The following TNFRSF21 variants were observed in gnomAD, a reference collection of about 807,000 sequenced individuals.
The protein encoded by TNFRSF21 is TNF receptor superfamily member 21, also known as tumor necrosis factor receptor superfamily member 21.
A neutral mutation model predicts 45.6 loss-of-function variants in TNFRSF21; 19 were observed. The ratio of observed to expected loss-of-function variants is 0.42; its 90% CI spans 0.29 to 0.61. The LOEUF (loss-of-function observed/expected upper bound fraction) is 0.61. Ranked by LOEUF, TNFRSF21 falls within the 20% of genes least tolerant of loss-of-function variation. The probability of loss-of-function intolerance (pLI) is 0.23; values close to 1 mark genes in which losing one functional copy is unlikely to be tolerated. For missense variants in TNFRSF21, 737 were observed against 851.5 expected (o/e 0.87, Z 1.67); for synonymous variants, 314 against 335.5 (o/e 0.94, Z 0.70).
intron 3 of TNFRSF21, among the ~76,000 whole-genome samples, chr6:47,273,462 C>A (rs145833053): frequency 7.2e-5 from 11 of 152,112 alleles, no homozygotes; most frequent in African/African-American, 2.7e-4. Context: ...AATTCAACAG[C>A]GCTTCATGCT....
intron 1 of TNFRSF21, among the ~76,000 whole-genome samples, chr6:47,297,968 G>T (rs1308869901): frequency 6.6e-6 from 1 of 152,020 alleles, no homozygotes; most frequent in Non-Finnish European, 1.5e-5. Flanking sequence ...AATACAGACT[G>T]CACAGTAAAG....
At chr6:47,276,947 T>A (rs1762507364) in intron 3 of TNFRSF21, among the ~76,000 whole-genome samples, 2 of 152,174 alleles carry the variant, frequency 1.3e-5, no homozygotes, top group African/African-American at 4.8e-5. Context: ...TCCTTTAAGG[T>A]GGCAGTGTTG....
intron 3 of TNFRSF21, among the ~76,000 whole-genome samples, chr6:47,281,333 TATA>T (rs1388268741): frequency 1.3e-5 from 2 of 149,826 alleles, no homozygotes; most frequent in Admixed American, 6.7e-5. Context: ...TTATATAATA[TATA>T]ATAAGCTATT....
At chr6:47,304,705 T>A (rs188762132) in intron 1 of TNFRSF21, among the ~76,000 whole-genome samples, 1 of 152,310 alleles carries the variant, frequency 6.6e-6, no homozygotes, top group East Asian at 1.9e-4. Context: ...CAAGCCTCCC[T>A]TTTTTCCCTT....
chr6:47,281,612 C>T (rs1762568944), intron 3 of TNFRSF21, among the ~76,000 whole-genome samples: 1 of 152,152 alleles, frequency 6.6e-6, no homozygotes, highest in African/African-American at 2.4e-5. Flanking sequence ...AACTCCTGAC[C>T]TCAGTTGATC....
chr6:47,306,150 T>C (rs983143011), intron 1 of TNFRSF21, among the ~76,000 whole-genome samples: 1 of 152,230 alleles, frequency 6.6e-6, no homozygotes, highest in African/African-American at 2.4e-5. Flanking sequence ...CCCCAGACTT[T>C]TGAACCCAGC....
chr6:47,281,433 T>C (rs1370358244), intron 3 of TNFRSF21, among the ~76,000 whole-genome samples: 3 of 151,390 alleles, frequency 2.0e-5, no homozygotes, highest in East Asian at 3.9e-4. Flanking sequence ...CAGGCCGGAG[T>C]GCAGCGGCAC....
intron 3 of TNFRSF21, among the ~76,000 whole-genome samples, chr6:47,254,387 A>C (rs1764950432): frequency 6.6e-6 from 1 of 152,216 alleles, no homozygotes; most frequent in African/African-American, 2.4e-5. Context: ...TTTCCCATTT[A>C]GTATTTTCGG....
chr6:47,245,199 C>T (rs1389806550), intron 4 of TNFRSF21, among the ~76,000 whole-genome samples: 1 of 152,122 alleles, frequency 6.6e-6, no homozygotes, highest in Non-Finnish European at 1.5e-5. Flanking sequence ...ACTTCCATCC[C>T]TCTGTATAGC....
chr6:47,255,454 CT>C (rs1329783407), intron 3 of TNFRSF21, among the ~76,000 whole-genome samples: 1 of 148,326 alleles, frequency 6.7e-6, no homozygotes, highest in East Asian at 1.9e-4. Flanking sequence ...AATGTCATGT[CT>C]TTGGTTTTTT....
chr6:47,262,358 G>A (rs1202154832), intron 3 of TNFRSF21, among the ~76,000 whole-genome samples: 1 of 152,138 alleles, frequency 6.6e-6, no homozygotes, highest in African/African-American at 2.4e-5. Context: ...TGTTTTTGAA[G>A]CTATCTCAAA....
chr6:47,274,715 G>A (rs1762472483), intron 3 of TNFRSF21, among the ~76,000 whole-genome samples: 1 of 152,128 alleles, frequency 6.6e-6, no homozygotes, highest in African/African-American at 2.4e-5. Context: ...TACGGAATGG[G>A]AGAAAATTTT....
intron 1 of TNFRSF21, among the ~76,000 whole-genome samples, chr6:47,294,195 G>T (rs1253830166): frequency 6.6e-6 from 1 of 152,212 alleles, no homozygotes; most frequent in Non-Finnish European, 1.5e-5. Context: ...CCAGGCTGGG[G>T]TGCAGTGGTA....
intron 3 of TNFRSF21, among the ~76,000 whole-genome samples, chr6:47,256,782 C>A (rs1764995285): frequency 6.6e-6 from 1 of 152,154 alleles, no homozygotes; most frequent in Non-Finnish European, 1.5e-5. Context: ...TAGACTCTTC[C>A]AAACACCAAA....
Position 47,262,694 on chromosome 6 carries a change from T to C in TNFRSF21, c.1244-9173A>G, listed in dbSNP as rs529483108. ...GTGCAGATTATCTGTGGAAAGAGGG[T>C]TCTGGGCAAAGGGAGCAGCAGGTGC... On this transcript the variant is annotated intron_variant, in intron 3 of 5. Coordinates refer to ENST00000296861, the MANE Select transcript of TNFRSF21 (RefSeq NM_014452.5). Among the ~76,000 whole-genome samples the C allele has an allele frequency of 2.2e-4, 34 of 151,920 alleles. 1 individual carries two copies. In the South Asian group the frequency reaches 6.9e-3, roughly 31 times the overall value.
intron 1 of TNFRSF21, among the ~76,000 whole-genome samples, chr6:47,290,451 G>A (rs970369581): frequency 3.9e-5 from 6 of 152,084 alleles, no homozygotes; most frequent in Admixed American, 6.5e-5. Context: ...TACTTCCCCC[G>A]AAATATGCAC....
At chr6:47,255,959 GA>G (rs1250265782) in intron 3 of TNFRSF21, among the ~76,000 whole-genome samples, 6 of 151,590 alleles carry the variant, frequency 4.0e-5, no homozygotes, top group Non-Finnish European at 8.8e-5. Flanking sequence ...AGGTTTCCTA[GA>G]AAAAAAATAA....
At chr6:47,283,036 C>A (rs1437064276) in intron 3 of TNFRSF21, among the ~76,000 whole-genome samples, 3 of 152,082 alleles carry the variant, frequency 2.0e-5, no homozygotes, top group Admixed American at 6.5e-5. Context: ...ATTTGTAAGA[C>A]CCCAAAAAGC....
At chr6:47,305,549 A>G (rs1475496598) in intron 1 of TNFRSF21, among the ~76,000 whole-genome samples, 1 of 152,164 alleles carries the variant, frequency 6.6e-6, no homozygotes, top group Non-Finnish European at 1.5e-5. Flanking sequence ...AGCCCCCACC[A>G]GACCACTCCA....
Sources: gnomAD v4.1 joint callset for allele counts (sites outside exome capture counted in the v4.1 genomes callset) on GRCh38, gnomAD v4.1.1 for gene constraint, MANE v1.5 for transcripts, NCBI Gene and HGNC (gene_info 2026-07-23, HGNC 2026-07-21) for gene names.